RAD52: variants seen among roughly 807,000 people sequenced by gnomAD.
RAD52 encodes the protein DNA repair protein RAD52 homolog.
A neutral mutation model predicts 55.5 loss-of-function variants in RAD52; 47 were observed. The ratio of observed to expected loss-of-function variants is 0.85; its 90% CI spans 0.67 to 1.08. The LOEUF (loss-of-function observed/expected upper bound fraction) is 1.08, where lower values mean the gene tolerates loss of function less well. Ranked by LOEUF, RAD52 falls within the 50% of genes least tolerant of loss-of-function variation. RAD52 has a pLI of 0.00. For missense variants in RAD52, 468 were observed against 522.8 expected, an observed-to-expected ratio of 0.90 and a Z score of 1.02; for synonymous variants, 184 against 198.9, an observed-to-expected ratio of 0.92 and a Z score of 0.63.
At chr12:939,936 G>T (rs189979866) in intron 1 of RAD52, among the ~76,000 whole-genome samples, 61 of 152,258 alleles carry the variant, frequency 4.0e-4, no homozygotes, top group Admixed American at 1.0e-3. Context: ...TTAGGTGGGC[G>T]TGGTTGTGTG....
upstream of RAD52, chr12:990,511 C>T (rs1959171093): frequency 1.3e-5 from 2 of 152,326 alleles, no homozygotes; most frequent in South Asian, 2.1e-4. Context: ...AGCGCAGGGT[C>T]GGAACGTGGA....
chr12:941,926 T>C (rs1420834138), intron 1 of RAD52, among the ~76,000 whole-genome samples: 2 of 152,140 alleles, frequency 1.3e-5, no homozygotes, highest in African/African-American at 4.8e-5. Flanking sequence ...CATAAGCCAC[T>C]GCACCCGGCC....
At chr12:967,866 G>C (rs1344126394) in intron 1 of RAD52, among the ~76,000 whole-genome samples, 4 of 152,018 alleles carry the variant, frequency 2.6e-5, no homozygotes, top group Non-Finnish European at 5.9e-5. Flanking sequence ...AGCCCAGGAG[G>C]GGGAGGTTGC....
intron 7 of RAD52, among the ~76,000 whole-genome samples, chr12:919,025 G>A (rs1441593235): frequency 6.6e-6 from 1 of 152,078 alleles, no homozygotes. Flanking sequence ...ATAATCCATG[G>A]AAGTCAGAAT....
In RAD52 at chr12:955,356, G is replaced by A. The variant is rs537462376; in HGVS notation, c.-18-22280C>T. On this transcript the variant is annotated intron_variant, in intron 1 of 11. Transcript: ENST00000430095. ...GATATAGGAAGGTTTAGTGTGTGCCGACTGTGTAAAGATATCTGTAGAAGA... is the reference window on the plus strand; with the variant it reads ...GATATAGGAAGGTTTAGTGTGTGCCAACTGTGTAAAGATATCTGTAGAAGA... 7.7e-4 allele frequency among the ~76,000 whole-genome samples: 117 copies of A among 152,242 alleles called. 1 individual carries two copies. The highest frequency in any genetic ancestry group is 2.6e-3 in the African/African-American group (108 of 41,550).
chr12:922,189 C>CT (rs1485776990), intron 7 of RAD52, among the ~76,000 whole-genome samples: 3 of 18,178 alleles, frequency 1.7e-4, no homozygotes, highest in East Asian at 1.4e-3. Flanking sequence ...ATTAGGTTGG[C>CT]TTAAAAAAAA....
intron 1 of RAD52, among the ~76,000 whole-genome samples, chr12:941,605 G>A (rs527350507): frequency 2.7e-5 from 4 of 147,356 alleles, no homozygotes; most frequent in African/African-American, 5.0e-5. Flanking sequence ...GGTGTGAGCC[G>A]CCACACCTGG....
chr12:925,874 C>T (rs1957006394), intron 6 of RAD52, among the ~76,000 whole-genome samples: 1 of 151,980 alleles, frequency 6.6e-6, no homozygotes, highest in Non-Finnish European at 1.5e-5. Context: ...CTCCAATTTC[C>T]CAGCAGGAGT....
At chr12:976,788 C>T (rs1306676584) in intron 1 of RAD52, 1 of 152,188 alleles carries the variant, frequency 6.6e-6, no homozygotes, top group African/African-American at 2.4e-5. Flanking sequence ...AATCTGTCTT[C>T]CTGCAGTAGA....
intron 1 of RAD52, among the ~76,000 whole-genome samples, chr12:939,084 G>GTGTGTGTGTGTA (rs1423215623): frequency 6.0e-5 from 6 of 99,516 alleles, no homozygotes; most frequent in Non-Finnish European, 1.4e-4. Flanking sequence ...GTGTGTGTGT[G>GTGTGTGTGTGTA]TAGAGAGAGA....
rs778682036 is a variant in RAD52, at chr12:944,608, T to TAAA, written c.-19+4991_-19+4993dup. ...TTTCCCAGAGGAAATAAAAACATGGTAAAAAAAAAAAAAAAAAAAACTCAG... is the reference window on the plus strand; with the variant it reads ...TTTCCCAGAGGAAATAAAAACATGGTAAAAAAAAAAAAAAAAAAAAAAACTCAG... On this transcript the variant is annotated intron_variant, in intron 1 of 11. Transcript: ENST00000358495. 6.0e-3 allele frequency among the ~76,000 whole-genome samples: 562 copies of TAAA among 93,566 alleles called. 6 individuals are homozygous for TAAA. Among genetic ancestry groups the TAAA allele is most frequent in the African/African-American group, 0.018 (488 of 26,758 alleles). The allele number at this position is 93,566 out of a possible 152,430, so 61.4% of individuals were successfully genotyped here.
chr12:981,620 G>C (rs1348025015), intron 1 of RAD52, among the ~76,000 whole-genome samples: 1 of 151,908 alleles, frequency 6.6e-6, no homozygotes, highest in Non-Finnish European at 1.5e-5. Context: ...AGCCAGGCGT[G>C]GTGGTGCGCG....
intron 1 of RAD52, among the ~76,000 whole-genome samples, chr12:966,131 T>C (rs1958763937): frequency 6.6e-6 from 1 of 152,048 alleles, no homozygotes; most frequent in Admixed American, 6.5e-5. Context: ...AACTGGTTAA[T>C]TTTTAAAAAT....
intron 1 of RAD52, among the ~76,000 whole-genome samples, chr12:965,225 A>G (rs775727762): frequency 1.1e-4 from 17 of 151,888 alleles, no homozygotes; most frequent in East Asian, 3.9e-4. Context: ...TGATCCGCCC[A>G]CCTCGACTCC....
At chr12:942,984 A>G (rs1957999764) in intron 1 of RAD52, among the ~76,000 whole-genome samples, 1 of 152,198 alleles carries the variant, frequency 6.6e-6, no homozygotes. Flanking sequence ...CTACAACTCA[A>G]TAATAAAAAG....
rs1957085314 is a variant in RAD52 at position 927,219 on chromosome 12, G to A, written c.393C>T (p.Gly131=). The A allele has an allele frequency of 6.2e-7, 1 of 1,614,100 alleles. No individual in the cohort carries two copies. The highest frequency in any genetic ancestry group is 1.1e-5 in the South Asian group (1 of 91,078). ...HEDVGYGVSE[G]LKSKALSLEK... Reference sequence around the variant, plus strand: ...CCAAAGATAAAGCCTTGGACTTGAGGCCCTCACTAACACCATAACCAACAT... The same window carrying A: ...CCAAAGATAAAGCCTTGGACTTGAGACCCTCACTAACACCATAACCAACAT... The change falls in exon 6 of 12, where the codon GGC becomes GGT. Residue 131 remains glycine (G), a synonymous_variant. Transcript: ENST00000358495.
At chr12:980,401 C>T (rs1958997963) in intron 1 of RAD52, among the ~76,000 whole-genome samples, 1 of 150,226 alleles carries the variant, frequency 6.7e-6, no homozygotes, top group Non-Finnish European at 1.5e-5. Flanking sequence ...TCAAGCTATT[C>T]TCCTGCCTCA....
chr12:946,716 A>G (rs1316447620), intron 1 of RAD52, among the ~76,000 whole-genome samples: 1 of 152,202 alleles, frequency 6.6e-6, no homozygotes, highest in Non-Finnish European at 1.5e-5. Flanking sequence ...CCAAAATAAC[A>G]CTTATGAACA....
At chr12:970,948 T>C (rs776851206) in intron 1 of RAD52, among the ~76,000 whole-genome samples, 3 of 152,054 alleles carry the variant, frequency 2.0e-5, no homozygotes, top group Non-Finnish European at 4.4e-5. Flanking sequence ...AAATCGATAC[T>C]TGATTGTGTT....
Sources: gnomAD v4.1 joint callset for allele counts (sites outside exome capture counted in the v4.1 genomes callset) on GRCh38, gnomAD v4.1.1 for gene constraint, MANE v1.5 for transcripts, NCBI Gene and HGNC (gene_info 2026-07-23, HGNC 2026-07-21) for gene names.